IL1RAPL1: variants seen among roughly 807,000 people sequenced by gnomAD.
The protein encoded by IL1RAPL1 is interleukin-1 receptor accessory protein-like 1.
In IL1RAPL1, 3 loss-of-function variants were observed where a neutral mutation model predicts 48.4. That is an observed-to-expected ratio of 0.06 (90% confidence interval 0.03 to 0.16). IL1RAPL1 has a LOEUF of 0.16. Ranked by LOEUF, IL1RAPL1 falls within the 10% of genes least tolerant of loss-of-function variation. The pLI is 1.00. For missense variants in IL1RAPL1, 349 were observed against 530.6 expected (o/e 0.66, Z 3.36); for synonymous variants, 185 against 187.7 (o/e 0.99, Z 0.12).
In IL1RAPL1 at chrX:29,906,460, AATATAT is replaced by A. The variant is rs1164023016; in HGVS notation, c.779-10947_779-10942del. ...ATATTTCTTTCTACATAACTTTGTA[AATATAT>A]ATATATATATATATATATATATATA... On this transcript the variant is annotated intron_variant, in intron 6 of 10. Transcript: ENST00000378993. 2.2e-3 allele frequency among the ~76,000 whole-genome samples: 65 copies of A among 29,830 alleles called. 1 individual carries two copies. The highest frequency in any genetic ancestry group is 3.1e-3 in the South Asian group (1 of 325). 25.9% of individuals were successfully genotyped at this position (29,830 alleles called of 115,157 possible).
intron 5 of IL1RAPL1, among the ~76,000 whole-genome samples, chrX:29,480,218 A>G (rs758257964): frequency 1.5e-4 from 16 of 106,149 alleles, no homozygotes; most frequent in African/African-American, 2.4e-4. Context: ...GTCAATATCA[A>G]TATTTACTTT....
At chrX:28,946,607 A>G (rs629965) in intron 2 of IL1RAPL1, among the ~76,000 whole-genome samples, 41,278 of 110,140 alleles carry the variant, frequency 0.37, 6,239 homozygotes, top group Non-Finnish European at 0.47. Flanking sequence ...GGTAATTCTG[A>G]AACACTAGAT....
chrX:29,835,908 G>A (rs2147190523), intron 6 of IL1RAPL1, among the ~76,000 whole-genome samples: 1 of 79,531 alleles, frequency 1.3e-5, no homozygotes, highest in African/African-American at 5.0e-5. Context: ...TAGTTAGTTA[G>A]TCTAGGTAAA....
chrX:29,500,665 CATTAT>C lies in IL1RAPL1; in HGVS notation c.703+101363_703+101367del, dbSNP rs1471173912. ...CACAATACATGGCTGAATAATATTT[CATTAT>C]ATTATGTATATGTATATATGTCACA... On this transcript the variant is annotated intron_variant, in intron 5 of 10. Transcript: ENST00000378993. Among the ~76,000 whole-genome samples, 16 of 112,134 alleles carry C rather than the reference CATTAT, an allele frequency of 1.4e-4. No individual in the cohort carries two copies. The South Asian group carries it at 2.6e-3, about 18-fold the overall frequency.
At chrX:28,927,963 T>C (rs777927339) in intron 2 of IL1RAPL1, among the ~76,000 whole-genome samples, 3 of 111,001 alleles carry the variant, frequency 2.7e-5, no homozygotes, top group Non-Finnish European at 5.7e-5. Flanking sequence ...AATTCTAACT[T>C]ATCTCGTGAA....
intron 1 of IL1RAPL1, among the ~76,000 whole-genome samples, chrX:28,598,989 C>T (rs1475378468): frequency 9.2e-6 from 1 of 108,818 alleles, no homozygotes; most frequent in Admixed American, 9.6e-5. Flanking sequence ...CCTGTAACCC[C>T]AGCACTTTGG....
intron 1 of IL1RAPL1, among the ~76,000 whole-genome samples, chrX:28,762,562 AATAC>A (rs929595490): frequency 9.0e-6 from 1 of 110,915 alleles, no homozygotes; most frequent in Non-Finnish European, 1.9e-5. Flanking sequence ...TGCATGTGTA[AATAC>A]ATACATACAC....
intron 2 of IL1RAPL1, among the ~76,000 whole-genome samples, chrX:28,849,164 A>G (rs1242015429): frequency 1.8e-5 from 2 of 110,811 alleles, no homozygotes; most frequent in Admixed American, 9.6e-5. Context: ...CCCCGTATTC[A>G]AAGCAGAATG....
chrX:29,079,490 TATA>T (rs758598124), intron 2 of IL1RAPL1, among the ~76,000 whole-genome samples: 1 of 110,129 alleles, frequency 9.1e-6, no homozygotes, highest in Non-Finnish European at 1.9e-5. Context: ...TTCTAGGTGT[TATA>T]ATAGAAAGAA....
At chrX:29,724,380 T>C (rs1927723382) in intron 6 of IL1RAPL1, among the ~76,000 whole-genome samples, 1 of 111,861 alleles carries the variant, frequency 8.9e-6, no homozygotes, top group Admixed American at 9.5e-5. Context: ...ATTAGACTTT[T>C]CAGTCTAATT....
intron 2 of IL1RAPL1, among the ~76,000 whole-genome samples, chrX:28,832,069 A>G (rs1051397585): frequency 2.7e-5 from 3 of 111,168 alleles, no homozygotes; most frequent in African/African-American, 9.8e-5. Flanking sequence ...TAATTAGCAA[A>G]TTCATCACCA....
At chrX:29,486,550 A>C (rs1935097247) in intron 5 of IL1RAPL1, among the ~76,000 whole-genome samples, 1 of 98,745 alleles carries the variant, frequency 1.0e-5, no homozygotes, top group African/African-American at 3.8e-5. Flanking sequence ...TTCCCATTGG[A>C]CTATTGTTGA....
intron 2 of IL1RAPL1, among the ~76,000 whole-genome samples, chrX:28,937,857 G>A (rs1414594080): frequency 1.8e-5 from 2 of 111,310 alleles, no homozygotes; most frequent in Non-Finnish European, 3.8e-5. Context: ...AAAATCATTA[G>A]CATTCCTATA....
chrX:28,794,273 G>A (rs1023327365), intron 2 of IL1RAPL1, among the ~76,000 whole-genome samples: 5 of 110,889 alleles, frequency 4.5e-5, no homozygotes, highest in Non-Finnish European at 7.6e-5. Flanking sequence ...CTGTTAAAGG[G>A]TAAGGAAAAT....
chrX:29,649,830 CAG>C (rs1817606422), intron 5 of IL1RAPL1, among the ~76,000 whole-genome samples: 2 of 111,215 alleles, frequency 1.8e-5, no homozygotes, highest in South Asian at 7.5e-4. Flanking sequence ...TTCATGTTTG[CAG>C]AGACATGATC....
At chrX:29,779,043 G>A (rs1485669552) in intron 6 of IL1RAPL1, among the ~76,000 whole-genome samples, 1 of 111,646 alleles carries the variant, frequency 9.0e-6, no homozygotes, top group African/African-American at 3.3e-5. Context: ...TGATGCTGAT[G>A]CTGCTGATAT....
At chrX:28,980,703 A>G (rs1020360921) in intron 2 of IL1RAPL1, among the ~76,000 whole-genome samples, 1 of 110,403 alleles carries the variant, frequency 9.1e-6, no homozygotes, top group African/African-American at 3.3e-5. Flanking sequence ...ATTTTTTTTT[A>G]TTTTGTACAG....
chrX:29,231,920 A>T lies in IL1RAPL1; in HGVS notation c.83-51018A>T, dbSNP rs1931208999. Among the ~76,000 whole-genome samples the T allele has an allele frequency of 2.7e-5, 3 of 112,073 alleles. No homozygotes were observed. The South Asian group carries it at 1.1e-3, about 41-fold the overall frequency. ...AATGGTGTTGCTATGGATGGCATTC[A>T]TAGCAAATGATAAGATTGGGCATAG... On this transcript the variant is annotated intron_variant, in intron 2 of 10. Transcript: ENST00000378993.
At chrX:29,241,248 G>A (rs960016712) in intron 2 of IL1RAPL1, among the ~76,000 whole-genome samples, 2 of 111,519 alleles carry the variant, frequency 1.8e-5, no homozygotes, top group Non-Finnish European at 3.8e-5. Context: ...ACTCCCTTTC[G>A]GGCTGAACTG....
Sources: allele counts gnomAD v4.1 joint callset (sites outside exome capture counted in the v4.1 genomes callset), GRCh38; gene constraint gnomAD v4.1.1; transcripts MANE v1.5; gene names NCBI Gene and HGNC (gene_info 2026-07-23, HGNC 2026-07-21).